HNRNPLL: variants seen among roughly 807,000 people sequenced by gnomAD.
The protein encoded by HNRNPLL is heterogeneous nuclear ribonucleoprotein L-like.
A neutral mutation model predicts 67.1 loss-of-function variants in HNRNPLL; 25 were observed. The observed-to-expected ratio is 0.37, with a 90% CI of 0.27 to 0.52. The LOEUF is 0.52. HNRNPLL is among the 20% of genes least tolerant of loss of function. HNRNPLL has a pLI of 0.90. For missense variants in HNRNPLL, 542 were observed against 673.9 expected (o/e 0.80, Z 2.17); for synonymous variants, 267 against 241.7 (o/e 1.10, Z -0.97).
chr2:38,588,457 G>A (rs1038153505), intron 2 of HNRNPLL, among the ~76,000 whole-genome samples: 2 of 150,088 alleles, frequency 1.3e-5, no homozygotes, highest in African/African-American at 4.9e-5. Context: ...GCTGAGGCAG[G>A]AGAATCGCTT....
At chr2:38,572,755 A>G (rs779205115) in intron 8 of HNRNPLL, among the ~76,000 whole-genome samples, 2 of 152,070 alleles carry the variant, frequency 1.3e-5, no homozygotes, top group African/African-American at 4.8e-5. Flanking sequence ...TCCTCCGAAG[A>G]TAATAGAACC....
intron 2 of HNRNPLL, among the ~76,000 whole-genome samples, chr2:38,590,074 T>C (rs568699789): frequency 3.3e-5 from 5 of 152,334 alleles, no homozygotes; most frequent in African/African-American, 1.2e-4. Context: ...TGAGAATTGA[T>C]ATAATCAACT....
intron 7 of HNRNPLL, 139 bp downstream of exon 7, chr2:38,577,322 T>C (rs1666336416): frequency 1.8e-6 from 1 of 558,240 alleles, no homozygotes; most frequent in Non-Finnish European, 3.2e-6. Flanking sequence ...CTCCTGGGAG[T>C]ACATTACAAG....
intron 12 of HNRNPLL, chr2:38,565,991 CA>C: frequency 1.1e-6 from 1 of 951,894 alleles, no homozygotes; most frequent in Non-Finnish European, 1.3e-6. Flanking sequence ...TTTTTTAAAC[CA>C]TCATTCATCA....
chr2:38,590,479 C>A (rs1024400304), intron 2 of HNRNPLL, among the ~76,000 whole-genome samples: 7 of 152,080 alleles, frequency 4.6e-5, no homozygotes, highest in Admixed American at 1.3e-4. Flanking sequence ...ACATATTCAT[C>A]AAGGAAAAAT....
intron 1 of HNRNPLL, chr2:38,599,835 G>A: frequency 2.2e-6 from 1 of 464,014 alleles, no homozygotes; most frequent in Non-Finnish European, 4.5e-6. Flanking sequence ...ATCTTCAAAG[G>A]CTTACTTTGC....
chr2:38,595,905 T>C (rs1667170847), intron 1 of HNRNPLL, among the ~76,000 whole-genome samples: 1 of 152,174 alleles, frequency 6.6e-6, no homozygotes, highest in African/African-American at 2.4e-5. Context: ...AGATAACGAT[T>C]ATTTCAACCT....
Position 38,602,583 on chromosome 2 carries a change from T to A in HNRNPLL, c.44A>T (p.Asp15Val). ...SSSPRETYEEDREYESQAKRL... is the reference protein window; with the variant it reads ...SSSPRETYEEVREYESQAKRL... ...CTTGGCCTGGCTCTCGTACTCCCGG[T>A]CCTCCTCGTACGTCTCCCTGGGGGA... Residue 15 changes from aspartate to valine, a missense_variant, in exon 1 of 13, where the codon GAC becomes GTC. By Grantham distance (152) the Asp-to-Val change is radical. Coordinates refer to ENST00000449105, the MANE Select transcript of HNRNPLL (RefSeq NM_138394.4). The A allele has an allele frequency of 1.3e-6, 2 of 1,573,558 alleles. No individual in the cohort carries two copies. The highest frequency in any genetic ancestry group is 1.7e-6 in the Non-Finnish European group (2 of 1,161,776).
intron 12 of HNRNPLL, among the ~76,000 whole-genome samples, chr2:38,565,234 T>C (rs1665810606): frequency 6.6e-6 from 1 of 152,150 alleles, no homozygotes; most frequent in Admixed American, 6.5e-5. Flanking sequence ...TCAACAAGTG[T>C]GTACAAGACA....
At chr2:38,573,181 A>C in intron 8 of HNRNPLL, 29 bp downstream of exon 8, 1 of 1,475,676 alleles carries the variant, frequency 6.8e-7, no homozygotes, top group Non-Finnish European at 9.3e-7. Context: ...ATATCCTAGC[A>C]AAAGAAACCA....
At chr2:38,581,593 G>C in intron 6 of HNRNPLL, 1 of 419,800 alleles carries the variant, frequency 2.4e-6, no homozygotes, top group South Asian at 5.6e-5. Flanking sequence ...CAAGTTTGCA[G>C]TTTGTAAGGA....
chr2:38,564,613 CAAAAAAAAAAAA>C (rs70954732), intron 12 of HNRNPLL, among the ~76,000 whole-genome samples: 4 of 36,998 alleles, frequency 1.1e-4, no homozygotes, highest in Admixed American at 2.8e-4. Context: ...GACTCCGTCT[CAAAAAAAAAAAA>C]AAAAAAAAAA....
intron 8 of HNRNPLL, 47 bp from the exon 9 acceptor site, chr2:38,569,972 C>T: frequency 1.4e-6 from 2 of 1,417,352 alleles, no homozygotes; most frequent in Non-Finnish European, 9.7e-7. Context: ...TTCCCTTTTA[C>T]AGTAAAAGAA....
At chr2:38,579,642 G>C (rs1180225749) in intron 6 of HNRNPLL, among the ~76,000 whole-genome samples, 1 of 151,824 alleles carries the variant, frequency 6.6e-6, no homozygotes, top group Non-Finnish European at 1.5e-5. Flanking sequence ...TTCTGGAGGG[G>C]TTCCCTGGCG....
chr2:38,573,985 TAACTC>T (rs1666200597), intron 7 of HNRNPLL, among the ~76,000 whole-genome samples: 1 of 151,978 alleles, frequency 6.6e-6, no homozygotes, highest in African/African-American at 2.4e-5. Flanking sequence ...ATTTAGTTAA[TAACTC>T]AACTACACAC....
Position 38,600,009 on chromosome 2 carries a change from G to A in HNRNPLL, c.189+2429C>T, listed in dbSNP as rs143830557. ...ACAATGAATTACCAAACATGTGAACGAAGAAGCACAAGACAGTAAACTTCT... is the reference window on the plus strand; with the variant it reads ...ACAATGAATTACCAAACATGTGAACAAAGAAGCACAAGACAGTAAACTTCT... On this transcript the variant is annotated intron_variant, in intron 1 of 12. Coordinates refer to ENST00000449105, the MANE Select transcript of HNRNPLL (RefSeq NM_138394.4). 165 of 444,906 alleles carry A rather than the reference G, an allele frequency of 3.7e-4. 6 individuals carry two copies. The East Asian group carries it at 0.011, about 30-fold the overall frequency. The allele number at this position is 444,906 out of a possible 1,614,324, so 27.6% of individuals were successfully genotyped here.
At chr2:38,586,671 C>T (rs1666746892) in intron 2 of HNRNPLL, among the ~76,000 whole-genome samples, 1 of 152,180 alleles carries the variant, frequency 6.6e-6, no homozygotes, top group Admixed American at 6.5e-5. Flanking sequence ...CAACAACAGA[C>T]TGACCAAAGT....
At chr2:38,599,757 C>T (rs1667349054) in intron 1 of HNRNPLL, 1 of 351,590 alleles carries the variant, frequency 2.8e-6, no homozygotes, top group Admixed American at 4.1e-5. Context: ...TACTCACTTT[C>T]CTCTTTAAAT....
In HNRNPLL at chr2:38,563,926, G is replaced by C; in HGVS notation, c.*256C>G. 1 of 323,926 alleles carries C rather than the reference G, an allele frequency of 3.1e-6. No homozygotes were observed. Among genetic ancestry groups the C allele is most frequent in the African/African-American group, 2.2e-5 (1 of 46,502 alleles). The allele number at this position is 323,926 out of a possible 1,614,324, so 20.1% of individuals were successfully genotyped here. ...GTGGAAGAAAAATTCCAGTAATAAG[G>C]TTAGAAATCATATATCTGTATAATC... On this transcript the variant is annotated 3_prime_UTR_variant, in exon 13 of 13. Transcript: ENST00000449105.
Sources: gnomAD v4.1 joint callset for allele counts (sites outside exome capture counted in the v4.1 genomes callset) on GRCh38, gnomAD v4.1.1 for gene constraint, MANE v1.5 for transcripts, NCBI Gene and HGNC (gene_info 2026-07-23, HGNC 2026-07-21) for gene names.